The following NAV1 variants were observed in gnomAD, a reference collection of about 807,000 sequenced individuals.
NAV1 encodes the protein neuron navigator 1, also known as pore membrane and/or filament interacting like protein 3.
A neutral mutation model predicts 175.2 loss-of-function variants in NAV1; 18 were observed. The ratio of observed to expected loss-of-function variants is 0.10; its 90% CI spans 0.07 to 0.15. The LOEUF (loss-of-function observed/expected upper bound fraction) is 0.15, where lower values mean the gene tolerates loss of function less well. Ranked by LOEUF, NAV1 falls within the 10% of genes least tolerant of loss-of-function variation. The pLI is 1.00. For missense variants in NAV1, 1,731 were observed against 2,436.6 expected (o/e 0.71, Z 6.10); for synonymous variants, 897 against 978.7 (o/e 0.92, Z 1.56).
chr1:201,808,335 G>T lies in NAV1; in HGVS notation c.3846-83G>T. 6.7e-7 allele frequency: 1 copy of T among 1,496,546 alleles called. No individual in the cohort carries two copies. The highest frequency in any genetic ancestry group is 1.3e-5 in the South Asian group (1 of 75,692). The allele number at this position is 1,496,546 out of a possible 1,614,324, so 92.7% of individuals were successfully genotyped here. A position where few individuals can be genotyped will look rare whatever the true frequency, so the allele number is the denominator to read the frequency against. On this transcript the variant is annotated intron_variant, in intron 18 of 29. Coordinates refer to ENST00000367296, the Ensembl canonical transcript of NAV1. The surrounding 1 kb of genome is among the most constrained non-coding windows in gnomAD (Gnocchi z 5.5). ...AATATCAATGGGCAGGAGAAGCCAA[G>T]ACCACCAACCATGCCTCTCAATATT... is the stretch of plus-strand genomic sequence containing the variant.
intron 3 of NAV1, among the ~76,000 whole-genome samples, chr1:201,731,861 C>G (rs1409122494): frequency 6.6e-6 from 1 of 152,212 alleles, no homozygotes; most frequent in East Asian, 1.9e-4. Flanking sequence ...TATCATCTGG[C>G]TGTCACTGCC....
At chr1:201,776,111 A>G (rs1558150437) in intron 3 of NAV1, among the ~76,000 whole-genome samples, 1 of 152,106 alleles carries the variant, frequency 6.6e-6, no homozygotes, top group African/African-American at 2.4e-5. Flanking sequence ...GTGTATATAT[A>G]TGTATGTCTA....
chr1:201,719,060 A>G (rs561408438), intron 3 of NAV1, among the ~76,000 whole-genome samples: 50 of 151,990 alleles, frequency 3.3e-4, no homozygotes, highest in African/African-American at 1.2e-3. Context: ...TTTGCCCTCA[A>G]TAAACTGGCT....
At chr1:201,784,411 G>A (rs1283024879) in intron 7 of NAV1, among the ~76,000 whole-genome samples, 4 of 152,164 alleles carry the variant, frequency 2.6e-5, no homozygotes, top group Non-Finnish European at 5.9e-5. Context: ...GCCTACATCA[G>A]CTTCCCAAAG....
At chr1:201,703,684 G>T (rs933614634) in intron 1 of NAV1, among the ~76,000 whole-genome samples, 1 of 152,242 alleles carries the variant, frequency 6.6e-6, no homozygotes, top group African/African-American at 2.4e-5. Context: ...CAAGTTTGCT[G>T]CCAAAGGCTG....
intron 1 of NAV1, among the ~76,000 whole-genome samples, chr1:201,678,608 T>C (rs1371938878): frequency 1.3e-5 from 2 of 151,872 alleles, no homozygotes; most frequent in Admixed American, 6.6e-5. Flanking sequence ...AAGAAAGGAG[T>C]GATAAAGGAG....
chr1:201,676,055 C>T (rs1364502546), intron 1 of NAV1, among the ~76,000 whole-genome samples: 1 of 152,214 alleles, frequency 6.6e-6, no homozygotes, highest in Admixed American at 6.5e-5. Context: ...CCTCTAAACT[C>T]ACCTGAAGCT....
At position 201,649,845 on chromosome 1, in the gene NAV1, T is replaced by G. The variant is rs537520223; in HGVS notation, c.757+420T>G. 7.7e-4 allele frequency among the ~76,000 whole-genome samples: 117 copies of G among 152,292 alleles called. 1 individual carries two copies. Among genetic ancestry groups the G allele is most frequent in the African/African-American group, 2.7e-3 (112 of 41,574 alleles). On this transcript the variant is annotated intron_variant, in intron 1 of 29. Transcript: ENST00000367296. The stretch of plus-strand genomic sequence containing the variant: ...GGAGCGTCCAGCGAGAGCCCGGATC[T>G]AGAGGACAGATGTGGGAGAGCAGAT...
At chr1:201,731,758 T>C (rs1250623477) in intron 3 of NAV1, among the ~76,000 whole-genome samples, 2 of 152,192 alleles carry the variant, frequency 1.3e-5, no homozygotes, top group African/African-American at 4.8e-5. Flanking sequence ...CATGGCCATA[T>C]GGACAATTTC....
intron 15 of NAV1, among the ~76,000 whole-genome samples, chr1:201,802,469 A>G (rs185082225): frequency 0.016 from 2,009 of 127,004 alleles, 62 homozygotes; most frequent in African/African-American, 0.051. Flanking sequence ...AAAAAAAAAA[A>G]AAAAAAAGAA....
At chr1:201,617,220 C>G (rs1244870021) in intron 2 of NAV1, among the ~76,000 whole-genome samples, 26 of 150,556 alleles carry the variant, frequency 1.7e-4, no homozygotes, top group African/African-American at 6.5e-4. Flanking sequence ...CTCTCTCTCT[C>G]TCTCTCTCTC....
At position 201,782,111 on chromosome 1, in the gene NAV1, A is replaced by T; in HGVS notation, c.1664-65A>T. The stretch of plus-strand genomic sequence containing the variant: ...GTTCCCTTCTCCCATGGAGGGAAAG[A>T]AAAGGGTGGGTTTTTAAGATACTGG... On this transcript the variant is annotated intron_variant, in intron 5 of 29. Coordinates refer to ENST00000367296, the Ensembl canonical transcript of NAV1. This position sits in a 1 kb window ranked among gnomAD's most constrained non-coding sequence, Gnocchi z 5.4. 7.1e-7 allele frequency: 1 copy of T among 1,409,234 alleles called. No individual in the cohort carries two copies. Among genetic ancestry groups the T allele is most frequent in the Non-Finnish European group, 9.6e-7 (1 of 1,040,362 alleles). 87.3% of individuals were successfully genotyped at this position (1,409,234 alleles called of 1,614,324 possible). A position where few individuals can be genotyped will look rare whatever the true frequency, so the allele number is the denominator to read the frequency against.
intron 1 of NAV1, among the ~76,000 whole-genome samples, chr1:201,563,933 A>G (rs1413248710): frequency 2.0e-5 from 3 of 152,052 alleles, no homozygotes; most frequent in East Asian, 3.9e-4. Context: ...CCGTCTCTAC[A>G]AGAAATTTAA....
At chr1:201,732,069 C>T (rs1376616359) in intron 3 of NAV1, among the ~76,000 whole-genome samples, 1 of 152,106 alleles carries the variant, frequency 6.6e-6, no homozygotes, top group Non-Finnish European at 1.5e-5. Flanking sequence ...TCAGATACCC[C>T]TGAAGTTTGG....
intron 1 of NAV1, among the ~76,000 whole-genome samples, chr1:201,685,733 T>A (rs1237765437): frequency 6.6e-6 from 1 of 152,180 alleles, no homozygotes; most frequent in Non-Finnish European, 1.5e-5. Context: ...TTGAAATGAC[T>A]TACAGATCAT....
At chr1:201,622,298 T>C (rs1668196682), upstream of NAV1, among the ~76,000 whole-genome samples, 1 of 152,094 alleles carries the variant, frequency 6.6e-6, no homozygotes, top group Non-Finnish European at 1.5e-5. Context: ...GTTTATGATC[T>C]GGGGGGACTG....
intron 2 of NAV1, among the ~76,000 whole-genome samples, chr1:201,632,191 G>A (rs559770929): frequency 6.6e-6 from 1 of 152,292 alleles, no homozygotes; most frequent in South Asian, 2.1e-4. Flanking sequence ...TAATCTGCTT[G>A]GACTCTGGGC....
chr1:201,590,925 T>C (rs1447232888), intron 2 of NAV1, among the ~76,000 whole-genome samples: 1 of 152,196 alleles, frequency 6.6e-6, no homozygotes, highest in Admixed American at 6.5e-5. Context: ...CTAATGGCCA[T>C]GTCACCCCAA....
intron 3 of NAV1, among the ~76,000 whole-genome samples, chr1:201,751,943 T>C (rs140516229): frequency 5.9e-5 from 9 of 152,300 alleles, no homozygotes; most frequent in African/African-American, 2.2e-4. Flanking sequence ...CAAAGCTTTG[T>C]AATAGGTGAG....
Sources: allele counts gnomAD v4.1 joint callset (sites outside exome capture counted in the v4.1 genomes callset), GRCh38; gene constraint gnomAD v4.1.1; non-coding constraint Gnocchi (gnomAD v3.1); transcripts MANE v1.5; gene names NCBI Gene and HGNC (gene_info 2026-07-23, HGNC 2026-07-21).